Variants in PER3 observed in about 807,000 individuals in gnomAD.
PER3 encodes the protein period circadian regulator 3.
A neutral mutation model predicts 127.2 loss-of-function variants in PER3; 107 were observed. The observed-to-expected ratio is 0.84, with a 90% CI of 0.72 to 0.99. The LOEUF (loss-of-function observed/expected upper bound fraction) is 0.99. Ranked by LOEUF, PER3 falls within the 50% of genes least tolerant of loss-of-function variation. The pLI, the probability that PER3 is intolerant of heterozygous loss-of-function variation, is 0.00. For missense variants in PER3, 1,560 were observed against 1,525.8 expected (o/e 1.02, Z -0.37); for synonymous variants, 618 against 585.8 (o/e 1.05, Z -0.79).
At chr1:7,801,216 G>T (rs762190261) in intron 8 of PER3, 25 bp downstream of exon 8, 3 of 1,275,008 alleles carry the variant, frequency 2.4e-6, no homozygotes, top group African/African-American at 3.0e-5. Context: ...AAGCCTAAAA[G>T]AAATTTGTTT....
chr1:7,836,120 C>T (rs944793326), intron 20 of PER3, among the ~76,000 whole-genome samples, 175 bp downstream of exon 20: 4 of 152,132 alleles, frequency 2.6e-5, no homozygotes, highest in African/African-American at 9.7e-5. Context: ...GCCTCAGCCT[C>T]CCGAGTAGCT....
rs750610308 is a variant in PER3 at position 7,808,853 on chromosome 1, T to G, written c.1137-40T>G. ...TATTAAAAATCACTTTCGACTTCATTTAAATTGTTTGACTCAGTCTCTCAC... is the reference window on the plus strand; with the variant it reads ...TATTAAAAATCACTTTCGACTTCATGTAAATTGTTTGACTCAGTCTCTCAC... On this transcript the variant is annotated intron_variant, in intron 10 of 21. Coordinates refer to ENST00000377532, the MANE Select transcript of PER3 (RefSeq NM_001377275.1). 6 of 1,033,656 alleles carry G rather than the reference T, an allele frequency of 5.8e-6. No individual in the cohort carries two copies. The African/African-American group carries it at 9.4e-5, about 16-fold the overall frequency. The allele number at this position is 1,033,656 out of a possible 1,614,324, so 64.0% of individuals were successfully genotyped here.
intron 16 of PER3, among the ~76,000 whole-genome samples, chr1:7,823,455 C>G (rs1460286981): frequency 1.3e-5 from 2 of 152,090 alleles, no homozygotes; most frequent in Non-Finnish European, 2.9e-5. Context: ...CCAGCCTGAC[C>G]AACACGGAGA....
intron 21 of PER3, among the ~76,000 whole-genome samples, chr1:7,838,824 A>G (rs1010253392): frequency 2.6e-5 from 4 of 152,208 alleles, no homozygotes; most frequent in East Asian, 1.9e-4. Flanking sequence ...TTCACTTTCA[A>G]CCTATCTGTA....
At chr1:7,805,931 A>G (rs1240046250) in intron 10 of PER3, among the ~76,000 whole-genome samples, 2 of 152,238 alleles carry the variant, frequency 1.3e-5, no homozygotes, top group African/African-American at 2.4e-5. Flanking sequence ...AACAACAAAG[A>G]TTATGTGAGG....
intron 21 of PER3, among the ~76,000 whole-genome samples, chr1:7,839,105 A>G (rs1330086350): frequency 2.6e-5 from 4 of 151,596 alleles, no homozygotes; most frequent in Admixed American, 6.6e-5. Flanking sequence ...TGTTGTGTAT[A>G]TTGTGTAGCT....
chr1:7,830,881 A>G (rs2097328557), intron 19 of PER3, among the ~76,000 whole-genome samples: 1 of 152,226 alleles, frequency 6.6e-6, no homozygotes. Context: ...GTAACTTTCA[A>G]GTAAGTCTTG....
chr1:7,805,407 C>T (rs6657232), intron 10 of PER3, among the ~76,000 whole-genome samples: 42,754 of 151,894 alleles, frequency 0.28, 6,334 homozygotes, highest in Middle Eastern at 0.48. Flanking sequence ...GAGATGATGC[C>T]GAGCCATGGT....
intron 21 of PER3, among the ~76,000 whole-genome samples, chr1:7,838,055 A>T (rs1323221388): frequency 6.7e-6 from 1 of 148,812 alleles, no homozygotes; most frequent in Non-Finnish European, 1.5e-5. Flanking sequence ...AAAAAAGACA[A>T]ATAATTCGTG....
In PER3 at chr1:7,798,019, A is replaced by T. The variant is rs993772617; in HGVS notation, c.645-506A>T. Among the ~76,000 whole-genome samples the T allele has an allele frequency of 2.0e-5, 3 of 152,306 alleles. 1 individual carries two copies. Among genetic ancestry groups the T allele is most frequent in the African/African-American group, 7.2e-5 (3 of 41,562 alleles). On this transcript the variant is annotated intron_variant, in intron 6 of 21. Coordinates refer to ENST00000377532, the MANE Select transcript of PER3 (RefSeq NM_001377275.1). Reference sequence around the variant, plus strand: ...AACTTTTTCTTTCCTCCTCAGCCAGATGCCTTTATAGATGGAGCACCTGAC... The same window carrying T: ...AACTTTTTCTTTCCTCCTCAGCCAGTTGCCTTTATAGATGGAGCACCTGAC...
In PER3 at chr1:7,790,768, A is replaced by G. The variant is rs993845437; in HGVS notation, c.592+2522A>G. Among the ~76,000 whole-genome samples, 36 of 152,358 alleles carry G rather than the reference A, an allele frequency of 2.4e-4. 1 individual carries two copies. Among genetic ancestry groups the G allele is most frequent in the African/African-American group, 7.7e-4 (32 of 41,586 alleles). On this transcript the variant is annotated intron_variant, in intron 5 of 21. Transcript: ENST00000377532. ...CAATAGACGTACAAGCATTGGGTAA[A>G]TACACCCATTTCAAATGGGAGAAAT...
intron 5 of PER3, among the ~76,000 whole-genome samples, chr1:7,791,798 A>G (rs1031722583): frequency 6.6e-5 from 10 of 152,342 alleles, no homozygotes; most frequent in Non-Finnish European, 1.0e-4. Flanking sequence ...AAAAGTTGCC[A>G]GTCTCTTTGC....
chr1:7,794,665 G>C lies in PER3; in HGVS notation c.644+657G>C, dbSNP rs540693534. Among the ~76,000 whole-genome samples, 4 of 151,906 alleles carry C rather than the reference G, an allele frequency of 2.6e-5. No homozygotes were observed. The East Asian group carries it at 7.7e-4, about 29-fold the overall frequency. On this transcript the variant is annotated intron_variant, in intron 6 of 21. Coordinates refer to ENST00000377532, the MANE Select transcript of PER3 (RefSeq NM_001377275.1). The stretch of plus-strand genomic sequence containing the variant: ...TCAGTCACATTTAAAATTAATTTTT[G>C]AAATTTTTAATAGCTTTAAAGAAAG...
chr1:7,795,604 G>A (rs540492019), intron 6 of PER3, among the ~76,000 whole-genome samples: 4 of 152,364 alleles, frequency 2.6e-5, no homozygotes, highest in South Asian at 4.1e-4. Context: ...GGCCATGCCT[G>A]GCCTGTGGGA....
At position 7,836,781 on chromosome 1, in the gene PER3, A is replaced by G. The variant is rs557155586; in HGVS notation, c.3399-218A>G. The G allele has an allele frequency of 2.5e-4, 104 of 415,634 alleles. No homozygotes were observed. The East Asian group carries it at 3.4e-3, about 14-fold the overall frequency. 25.7% of individuals were successfully genotyped at this position (415,634 alleles called of 1,614,324 possible). A position where few individuals can be genotyped will look rare whatever the true frequency, so the allele number is the denominator to read the frequency against. On this transcript the variant is annotated intron_variant, in intron 20 of 21. Coordinates refer to ENST00000377532, the MANE Select transcript of PER3 (RefSeq NM_001377275.1). ...GAGCTAAGGGAAATCTCTTTCTTCC[A>G]TACACCTCATTAAAACATCATATAG... is the stretch of plus-strand genomic sequence containing the variant.
chr1:7,785,596 C>T lies in PER3; in HGVS notation c.274+10C>T. ...GTCCACAGCGTTCAAGGTAAACAAG[C>T]CGGAGAGAAATTTCATCCTACGAAT... On this transcript the variant is annotated intron_variant, in intron 3 of 21. Transcript: ENST00000377532. 2.5e-6 allele frequency: 4 copies of T among 1,606,016 alleles called. No homozygotes were observed. The highest frequency in any genetic ancestry group is 3.4e-6 in the Non-Finnish European group (4 of 1,175,414).
chr1:7,821,251 A>G (rs1017200483), intron 16 of PER3, among the ~76,000 whole-genome samples: 1 of 152,244 alleles, frequency 6.6e-6, no homozygotes, highest in African/African-American at 2.4e-5. Context: ...GGGTTTTCAC[A>G]TGATCTCTGC....
chr1:7,798,677 A>C lies in PER3; in HGVS notation c.793+4A>C. ...AAGATTCACTCTGGTTATGAAGGTA[A>C]GTCAGTAGATAAGATGCAGAAATGT... is the stretch of plus-strand genomic sequence containing the variant. On this transcript the variant is annotated splice_donor_region_variant and intron_variant, in intron 7 of 21. Transcript: ENST00000377532. The C allele has an allele frequency of 6.2e-7, 1 of 1,611,340 alleles. No homozygotes were observed. Among genetic ancestry groups the C allele is most frequent in the Non-Finnish European group, 8.5e-7 (1 of 1,177,472 alleles).
intron 21 of PER3, among the ~76,000 whole-genome samples, chr1:7,839,680 C>G (rs191283491): frequency 6.6e-6 from 1 of 152,172 alleles, no homozygotes; most frequent in East Asian, 1.9e-4. Context: ...AGTTTTTTTT[C>G]TTTAAGCACT....
Sources: gnomAD v4.1 joint callset for allele counts (sites outside exome capture counted in the v4.1 genomes callset) on GRCh38, gnomAD v4.1.1 for gene constraint, MANE v1.5 for transcripts, NCBI Gene and HGNC (gene_info 2026-07-23, HGNC 2026-07-21) for gene names.